SMC1B: variants seen among roughly 807,000 people sequenced by gnomAD.
SMC1B encodes structural maintenance of chromosomes 1B.
Under a neutral mutation model 157.9 loss-of-function variants are expected in SMC1B, and 60 were observed. The observed-to-expected ratio is 0.38, with a 90% confidence interval of 0.31 to 0.47. SMC1B has a LOEUF of 0.47. SMC1B is among the 20% of genes least tolerant of loss of function. The pLI is 0.99. For missense variants in SMC1B, 1,165 were observed against 1,426.2 expected (o/e 0.82, Z 2.95); for synonymous variants, 445 against 483.0 (o/e 0.92, Z 1.03).
chr22:45,403,705 CA>C (rs564748903), intron 4 of SMC1B, among the ~76,000 whole-genome samples: 4 of 152,238 alleles, frequency 2.6e-5, no homozygotes, highest in African/African-American at 7.2e-5. Flanking sequence ...GGGATGCTCC[CA>C]CCTTGGCCTC....
intron 12 of SMC1B, among the ~76,000 whole-genome samples, chr22:45,382,685 T>C (rs2086949077): frequency 6.6e-6 from 1 of 152,210 alleles, no homozygotes; most frequent in South Asian, 2.1e-4. Flanking sequence ...GACTAAGAAC[T>C]AATTTACTTA....
intron 4 of SMC1B, among the ~76,000 whole-genome samples, chr22:45,404,280 T>C (rs2087231623): frequency 6.6e-6 from 1 of 152,228 alleles, no homozygotes; most frequent in African/African-American, 2.4e-5. Flanking sequence ...TAGCTTACTT[T>C]CCAACCTGAT....
At chr22:45,350,003 C>A (rs1354036742) in intron 22 of SMC1B, among the ~76,000 whole-genome samples, 1 of 152,188 alleles carries the variant, frequency 6.6e-6, no homozygotes, top group Non-Finnish European at 1.5e-5. Context: ...TGGGATTGGT[C>A]ACTCCCTCCT....
At position 45,371,544 on chromosome 22, in the gene SMC1B, T is replaced by C. The variant is rs1379951868; in HGVS notation, c.2240A>G (p.Gln747Arg). Residue 747 changes from glutamine (Q) to arginine (R), a missense_variant, in exon 14 of 25, where the codon CAA becomes CGA. Coordinates refer to ENST00000357450, the MANE Select transcript of SMC1B (RefSeq NM_148674.5). Reference sequence around the variant, plus strand: ...GATTCCTTCACTCAACATAATACATTGAGACTCAATATTTAGTAGTTCACT... The same window carrying C: ...GATTCCTTCACTCAACATAATACATCGAGACTCAATATTTAGTAGTTCACT... ...LQSELLNIES[Q>R]CIMLSEGIKE... The C allele has an allele frequency of 6.3e-7, 1 of 1,594,738 alleles. No homozygotes were observed. Among genetic ancestry groups the C allele is most frequent in the Admixed American group, 1.8e-5 (1 of 55,820 alleles).
At chr22:45,403,268 C>G (rs1321512061) in intron 4 of SMC1B, among the ~76,000 whole-genome samples, 8 of 152,098 alleles carry the variant, frequency 5.3e-5, no homozygotes, top group African/African-American at 1.9e-4. Flanking sequence ...CACTCCTTTC[C>G]ACTAACAAAA....
intron 6 of SMC1B, among the ~76,000 whole-genome samples, chr22:45,396,769 C>T (rs2087129540): frequency 6.6e-6 from 1 of 151,992 alleles, no homozygotes; most frequent in Non-Finnish European, 1.5e-5. Flanking sequence ...TCACGGCTCA[C>T]TGCAGCTTTG....
At chr22:45,364,384 T>G (rs921945167) in intron 15 of SMC1B, among the ~76,000 whole-genome samples, 1 of 152,080 alleles carries the variant, frequency 6.6e-6, no homozygotes, top group Non-Finnish European at 1.5e-5. Context: ...AATTAAAACA[T>G]TAATAACTAT....
intron 10 of SMC1B, among the ~76,000 whole-genome samples, chr22:45,387,486 A>T (rs762115904): frequency 1.3e-5 from 2 of 152,270 alleles, no homozygotes; most frequent in South Asian, 2.1e-4. Context: ...ATGTTATTAC[A>T]TACCATAAAA....
At chr22:45,410,390 C>G (rs1386388717) in intron 1 of SMC1B, among the ~76,000 whole-genome samples, 2 of 152,144 alleles carry the variant, frequency 1.3e-5, no homozygotes, top group African/African-American at 2.4e-5. Context: ...ACATCCCTTC[C>G]CCTATATCCA....
chr22:45,357,253 G>T (rs5764699), intron 19 of SMC1B, among the ~76,000 whole-genome samples: 57,399 of 152,216 alleles, frequency 0.38, 13,341 homozygotes, highest in Non-Finnish European at 0.52. Context: ...GCACTCATGT[G>T]GCATTCAGGA....
At chr22:45,393,911 C>T in intron 8 of SMC1B, 70 bp from the exon 9 acceptor site, 1 of 1,080,280 alleles carries the variant, frequency 9.3e-7, no homozygotes, top group Non-Finnish European at 1.3e-6. Flanking sequence ...GTACAACATA[C>T]TCCTGTCTGG....
rs764992723 is a variant in SMC1B at position 45,361,996 on chromosome 22, G to A, written c.2563-12C>T. ...CAGTTTTCTTCAGCCTGAACAGAGA[G>A]GATCTGCATTGTAGATTTACTATCT... On this transcript the variant is annotated splice_polypyrimidine_tract_variant and intron_variant, in intron 16 of 24. Transcript: ENST00000357450. The A allele has an allele frequency of 5.6e-6, 9 of 1,606,018 alleles. No individual in the cohort carries two copies. Among genetic ancestry groups the A allele is most frequent in the South Asian group, 1.1e-5 (1 of 89,452 alleles).
intron 1 of SMC1B, 79 bp from the exon 2 acceptor site, chr22:45,408,977 C>CA: frequency 2.4e-6 from 2 of 829,188 alleles, no homozygotes; most frequent in Non-Finnish European, 3.7e-6. Context: ...ATCAGGCCAC[C>CA]AATCGAAGTG....
intron 15 of SMC1B, among the ~76,000 whole-genome samples, chr22:45,365,346 A>T (rs946663883): frequency 6.6e-6 from 1 of 152,202 alleles, no homozygotes; most frequent in Non-Finnish European, 1.5e-5. Context: ...TAGAATACAC[A>T]GTGAATAAGC....
At chr22:45,363,757 T>C (rs1465737280) in intron 15 of SMC1B, among the ~76,000 whole-genome samples, 1 of 152,182 alleles carries the variant, frequency 6.6e-6, no homozygotes, top group African/African-American at 2.4e-5. Context: ...ACACATTGCA[T>C]ACAGATGATG....
At chr22:45,406,331 A>G (rs983125298) in intron 4 of SMC1B, 129 bp downstream of exon 4, 17 of 705,796 alleles carry the variant, frequency 2.4e-5, no homozygotes, top group Non-Finnish European at 3.3e-5. Context: ...TATCTTAATG[A>G]ATATTGGGCT....
chr22:45,380,204 T>G (rs2146809869), intron 12 of SMC1B, among the ~76,000 whole-genome samples: 1 of 151,996 alleles, frequency 6.6e-6, no homozygotes, highest in South Asian at 2.1e-4. Flanking sequence ...GATACGAGCC[T>G]TTTTTTTGTT....
chr22:45,345,957 A>C (rs756866350), intron 23 of SMC1B, among the ~76,000 whole-genome samples: 11 of 151,298 alleles, frequency 7.3e-5, no homozygotes, highest in Non-Finnish European at 1.5e-4. Flanking sequence ...TAACCCCAGC[A>C]CTTTGGGAGG....
At chr22:45,345,692 C>T in intron 23 of SMC1B, 123 bp from the exon 24 acceptor site, 1 of 603,040 alleles carries the variant, frequency 1.7e-6, no homozygotes, top group Middle Eastern at 2.6e-4. Context: ...TCCACCTTTC[C>T]AATAATTCAA....
Sources: allele counts gnomAD v4.1 joint callset (sites outside exome capture counted in the v4.1 genomes callset), GRCh38; gene constraint gnomAD v4.1.1; transcripts MANE v1.5; gene names NCBI Gene and HGNC (gene_info 2026-07-23, HGNC 2026-07-21).